The following MCC variants were observed in gnomAD, a reference collection of about 807,000 sequenced individuals.
MCC encodes the protein MCC regulator of Wnt signaling pathway.
MCC carries 90 observed loss-of-function variants against 116.2 expected under a neutral mutation model. The observed-to-expected ratio is 0.77, with a 90% CI of 0.65 to 0.92. The LOEUF (loss-of-function observed/expected upper bound fraction) is 0.92. MCC is among the 40% of genes least tolerant of loss of function. The pLI is 0.00. For missense variants in MCC, 1,516 were observed against 1,312.2 expected (o/e 1.16, Z -2.40); for synonymous variants, 578 against 510.5 (o/e 1.13, Z -1.78).
chr5:113,057,627 G>A (rs1005988180), intron 14 of MCC, among the ~76,000 whole-genome samples: 7 of 152,232 alleles, frequency 4.6e-5, no homozygotes, highest in African/African-American at 1.7e-4. Flanking sequence ...AGGGCACTGA[G>A]GACCCCGGCT....
chr5:113,092,817 TAC>T (rs1291070991), intron 8 of MCC, among the ~76,000 whole-genome samples: 2 of 152,178 alleles, frequency 1.3e-5, no homozygotes, highest in Non-Finnish European at 2.9e-5. Flanking sequence ...AGCAAGACTA[TAC>T]ACACTCTGAG....
intron 5 of MCC, 140 bp downstream of exon 5, chr5:113,143,078 A>G: frequency 1.1e-6 from 1 of 928,642 alleles, no homozygotes; most frequent in Non-Finnish European, 1.5e-6. Context: ...CTTAGATACA[A>G]AGAAAACATC....
intron 13 of MCC, among the ~76,000 whole-genome samples, chr5:113,065,197 G>C (rs989072443): frequency 2.6e-5 from 4 of 152,112 alleles, no homozygotes; most frequent in African/African-American, 9.7e-5. Context: ...TATGGGCTCT[G>C]GGTGATGATG....
intron 3 of MCC, among the ~76,000 whole-genome samples, chr5:113,244,810 C>A (rs1183444957): frequency 6.6e-6 from 1 of 152,198 alleles, no homozygotes; most frequent in African/African-American, 2.4e-5. Context: ...ATCCTCCAAG[C>A]ACCAGATCTA....
intron 2 of MCC, among the ~76,000 whole-genome samples, chr5:113,345,031 A>G (rs1768099615): frequency 6.6e-6 from 1 of 152,062 alleles, no homozygotes; most frequent in South Asian, 2.1e-4. Flanking sequence ...AAGGGAGCCC[A>G]CTGCCCTGAA....
chr5:113,094,307 C>A (rs1184851407), intron 8 of MCC, among the ~76,000 whole-genome samples: 1 of 151,914 alleles, frequency 6.6e-6, no homozygotes, highest in Non-Finnish European at 1.5e-5. Flanking sequence ...GCATTTCCAT[C>A]TCTCGGTAAG....
At chr5:113,150,244 T>C (rs1488843991) in intron 4 of MCC, among the ~76,000 whole-genome samples, 1 of 152,056 alleles carries the variant, frequency 6.6e-6, no homozygotes, top group East Asian at 1.9e-4. Flanking sequence ...GAAGGCTAGG[T>C]TCTAAACACT....
chr5:113,213,024 T>G (rs990618965), intron 3 of MCC, among the ~76,000 whole-genome samples: 5 of 152,348 alleles, frequency 3.3e-5, no homozygotes, highest in East Asian at 1.9e-4. Context: ...CTTGTTTTTT[T>G]TGTGTGCGTT....
intron 3 of MCC, among the ~76,000 whole-genome samples, chr5:113,179,242 C>A (rs1423736537): frequency 6.6e-6 from 1 of 152,200 alleles, no homozygotes; most frequent in African/African-American, 2.4e-5. Context: ...AGAACACCCT[C>A]CCCCAGCCCC....
At chr5:113,362,793 G>A (rs539142517) in intron 2 of MCC, among the ~76,000 whole-genome samples, 3 of 152,130 alleles carry the variant, frequency 2.0e-5, no homozygotes, top group African/African-American at 4.8e-5. Flanking sequence ...CTGGTTACTG[G>A]CACAGAGCTT....
intron 1 of MCC, among the ~76,000 whole-genome samples, chr5:113,412,071 C>G (rs867344785): frequency 7.4e-4 from 112 of 152,322 alleles, no homozygotes; most frequent in African/African-American, 2.5e-3. Flanking sequence ...TATCAAAGAT[C>G]AGATAGTTGT....
chr5:113,456,624 T>TTTTTTTTTC (rs1771556974), intron 1 of MCC, among the ~76,000 whole-genome samples: 1 of 13,726 alleles, frequency 7.3e-5, no homozygotes, highest in African/African-American at 1.6e-4. Context: ...GCCCAGCTAA[T>TTTTTTTTTC]TTTTTTTTTT....
chr5:113,407,105 T>C (rs1769857014), intron 1 of MCC, among the ~76,000 whole-genome samples: 1 of 152,206 alleles, frequency 6.6e-6, no homozygotes, highest in Non-Finnish European at 1.5e-5. Context: ...TCTACAGTGC[T>C]TATAACTCTA....
At chr5:113,463,301 A>G (rs1324201332) in intron 1 of MCC, among the ~76,000 whole-genome samples, 1 of 152,216 alleles carries the variant, frequency 6.6e-6, no homozygotes, top group African/African-American at 2.4e-5. Context: ...TAGCACTTCA[A>G]AAAGATCTCT....
chr5:113,055,316 CCCT>C (rs990705170), intron 14 of MCC, among the ~76,000 whole-genome samples: 1 of 152,204 alleles, frequency 6.6e-6, no homozygotes, highest in African/African-American at 2.4e-5. Flanking sequence ...CCCAGGCCTG[CCCT>C]CCTCATCTCA....
chr5:113,389,798 T>G (rs1051093035), intron 1 of MCC, among the ~76,000 whole-genome samples: 2 of 152,176 alleles, frequency 1.3e-5, no homozygotes, highest in Non-Finnish European at 2.9e-5. Context: ...CTCTCAGAAG[T>G]TGAAAATGAT....
In MCC at chr5:113,386,883, G is replaced by T. The variant is rs1035551366; in HGVS notation, c.171-1671C>A. On this transcript the variant is annotated intron_variant, in intron 1 of 18. Transcript: ENST00000408903. ...ATATACATGGAAGTGGGTATGGCAGGTTAAATTATTAATATTAGTCCTAAT... is the reference window on the plus strand; with the variant it reads ...ATATACATGGAAGTGGGTATGGCAGTTTAAATTATTAATATTAGTCCTAAT... 3.9e-5 allele frequency among the ~76,000 whole-genome samples: 6 copies of T among 152,068 alleles called. No homozygotes were observed. In the East Asian group the frequency reaches 1.2e-3, roughly 29 times the overall value.
chr5:113,396,592 C>A (rs540239717), intron 1 of MCC, among the ~76,000 whole-genome samples: 1 of 151,988 alleles, frequency 6.6e-6, no homozygotes, highest in Non-Finnish European at 1.5e-5. Flanking sequence ...GTTGAGATCG[C>A]GCCTCTGCAC....
At chr5:113,460,074 A>G (rs1254412731) in intron 1 of MCC, among the ~76,000 whole-genome samples, 1 of 152,226 alleles carries the variant, frequency 6.6e-6, no homozygotes, top group East Asian at 1.9e-4. Context: ...AGTCCCTTGT[A>G]TGAAAACAGA....
Sources: gnomAD v4.1 joint callset for allele counts (sites outside exome capture counted in the v4.1 genomes callset) on GRCh38, gnomAD v4.1.1 for gene constraint, MANE v1.5 for transcripts, NCBI Gene and HGNC (gene_info 2026-07-23, HGNC 2026-07-21) for gene names.